The following ITPR1 variants were observed in gnomAD, a reference collection of about 807,000 sequenced individuals.
ITPR1 encodes the protein inositol 1,4,5-trisphosphate-gated calcium channel ITPR1.
In ITPR1, 96 loss-of-function variants were observed where a neutral mutation model predicts 318.4. The observed-to-expected ratio is 0.30, with a 90% CI of 0.26 to 0.36. The LOEUF is 0.36. ITPR1 is among the 10% of genes least tolerant of loss of function. The pLI, the probability that ITPR1 is intolerant of heterozygous loss-of-function variation, is 1.00. For synonymous variants in ITPR1, 1,312 were observed against 1,289.9 expected, an observed-to-expected ratio of 1.02 and a Z score of -0.37; for missense variants, 2,440 against 3,460.2, an observed-to-expected ratio of 0.71 and a Z score of 7.40.
At chr3:4,502,446 CTT>C (rs889373862) in intron 2 of ITPR1, among the ~76,000 whole-genome samples, 1 of 145,746 alleles carries the variant, frequency 6.9e-6, no homozygotes. Flanking sequence ...CCCCTCTCTC[CTT>C]TTTTTTTTTT....
At chr3:4,497,236 ACCGTCAC>A (rs1043240181) in intron 2 of ITPR1, among the ~76,000 whole-genome samples, 1 of 151,896 alleles carries the variant, frequency 6.6e-6, no homozygotes, top group Non-Finnish European at 1.5e-5. Flanking sequence ...CACCACTGAA[ACCGTCAC>A]CCATTCAACT....
intron 38 of ITPR1, chr3:4,711,498 C>A (rs1220668698): frequency 1.3e-5 from 5 of 392,426 alleles, no homozygotes; most frequent in Non-Finnish European, 1.9e-5. Flanking sequence ...GTTCTCCTCT[C>A]CATATAATCT....
chr3:4,642,012 A>G (rs970967453), intron 6 of ITPR1, 81 bp from the exon 7 acceptor site: 38 of 1,153,230 alleles, frequency 3.3e-5, no homozygotes, highest in Non-Finnish European at 4.1e-5. Flanking sequence ...TGTTTGCTAC[A>G]TAGTTGGTAT....
chr3:4,613,035 A>G lies in ITPR1; in HGVS notation c.164-14728A>G, dbSNP rs1445040663. ...ACGTGCCTGTGACACAGTCTCTGGA[A>G]GTCCTGAGACATGGGCCCAAGGTGG... On this transcript the variant is annotated intron_variant, in intron 4 of 61. Transcript: ENST00000649015. Among the ~76,000 whole-genome samples, 4 of 152,244 alleles carry G rather than the reference A, an allele frequency of 2.6e-5. No individual in the cohort carries two copies. In the South Asian group the frequency reaches 8.3e-4, roughly 31 times the overall value.
chr3:4,694,088 T>C (rs2094520091), intron 33 of ITPR1, among the ~76,000 whole-genome samples: 1 of 152,064 alleles, frequency 6.6e-6, no homozygotes, highest in Admixed American at 6.5e-5. Context: ...TCCATATGAA[T>C]GTAAGACTTA....
intron 53 of ITPR1, chr3:4,800,126 T>G: frequency 2.6e-5 from 10 of 389,970 alleles, no homozygotes; most frequent in East Asian, 5.9e-5. Flanking sequence ...ACTCCTGACA[T>G]GTTTTTGTGG....
intron 4 of ITPR1, among the ~76,000 whole-genome samples, chr3:4,539,934 T>A (rs553333130): frequency 6.8e-6 from 1 of 146,398 alleles, no homozygotes; most frequent in Non-Finnish European, 1.5e-5. Context: ...CCTTACAAAT[T>A]ACCCAGTTTC....
intron 47 of ITPR1, among the ~76,000 whole-genome samples, chr3:4,775,729 A>C (rs576032534): frequency 6.6e-6 from 1 of 152,372 alleles, no homozygotes; most frequent in South Asian, 2.1e-4. Flanking sequence ...TTCTAGGAGT[A>C]GGCAATAAGG....
At chr3:4,736,001 A>G (rs2043237984) in intron 44 of ITPR1, among the ~76,000 whole-genome samples, 1 of 152,330 alleles carries the variant, frequency 6.6e-6, no homozygotes, top group South Asian at 2.1e-4. Context: ...AACAATTTTC[A>G]TGATTTTTTC....
At position 4,824,157 on chromosome 3, in the gene ITPR1, G is replaced by C. The variant is rs984656092; in HGVS notation, c.8028+5915G>C. On this transcript the variant is annotated intron_variant, in intron 60 of 61. Transcript: ENST00000649015. ...AACCTGCCCCCCCATGGTAGCTAGA[G>C]TGTTCTGGAATGCACCAGCGCTGCC... 3.9e-5 allele frequency among the ~76,000 whole-genome samples: 6 copies of C among 152,330 alleles called. No homozygotes were observed. The South Asian group carries it at 6.2e-4, about 16-fold the overall frequency.
chr3:4,822,461 C>T (rs2049790299), intron 60 of ITPR1, among the ~76,000 whole-genome samples: 1 of 152,184 alleles, frequency 6.6e-6, no homozygotes, highest in Non-Finnish European at 1.5e-5. Context: ...AAGTGTCCTT[C>T]AAAGTTGAGG....
In ITPR1 at chr3:4,493,600, A is replaced by G. The variant is rs2080305131; in HGVS notation, c.-98A>G. ...CCCAAACCGGCGTGGCTCCCCGGGC[A>G]CCAAGGTAGCGGCTGGGGCCGGGCA... On this transcript the variant is annotated 5_prime_UTR_variant, in exon 1 of 62. Coordinates refer to ENST00000649015, the MANE Select transcript of ITPR1 (RefSeq NM_001378452.1). The G allele has an allele frequency of 6.6e-6, 1 of 152,500 alleles. No individual in the cohort carries two copies. Among genetic ancestry groups the G allele is most frequent in the Admixed American group, 6.5e-5 (1 of 15,282 alleles). The allele number at this position is 152,500 out of a possible 1,614,324, so 9.4% of individuals were successfully genotyped here. A position where few individuals can be genotyped will look rare whatever the true frequency, so the allele number is the denominator to read the frequency against.
chr3:4,758,869 T>C (rs1377569079), intron 44 of ITPR1, among the ~76,000 whole-genome samples: 1 of 152,196 alleles, frequency 6.6e-6, no homozygotes, highest in African/African-American at 2.4e-5. Context: ...GGTCTTACCA[T>C]CTGCCATGTC....
intron 5 of ITPR1, among the ~76,000 whole-genome samples, chr3:4,630,564 T>C (rs1575805074): frequency 3.4e-5 from 1 of 29,260 alleles, no homozygotes; most frequent in Admixed American, 4.9e-4. Flanking sequence ...TTGTCCGCAT[T>C]ATTATTATTA....
chr3:4,646,483 C>T (rs143704172), intron 10 of ITPR1, among the ~76,000 whole-genome samples: 17 of 152,158 alleles, frequency 1.1e-4, no homozygotes, highest in African/African-American at 1.9e-4. Flanking sequence ...GTGAAGGGCA[C>T]GGGATAGGCA....
chr3:4,763,385 T>C (rs2045590271), intron 44 of ITPR1, among the ~76,000 whole-genome samples: 1 of 152,116 alleles, frequency 6.6e-6, no homozygotes, highest in Non-Finnish European at 1.5e-5. Context: ...AAAAATTACT[T>C]GAACAGAATA....
At chr3:4,671,184 C>G (rs1290514451) in intron 20 of ITPR1, among the ~76,000 whole-genome samples, 1 of 152,128 alleles carries the variant, frequency 6.6e-6, no homozygotes, top group Non-Finnish European at 1.5e-5. Flanking sequence ...GCAGCATGGC[C>G]CATAGATATG....
In ITPR1 at chr3:4,674,220, T is replaced by C. The variant is rs1471720047; in HGVS notation, c.2475T>C (p.Ala825=). The change falls in exon 22 of 62, where the codon GCT becomes GCC. Residue 825 remains alanine, a synonymous_variant. Coordinates refer to ENST00000649015, the MANE Select transcript of ITPR1 (RefSeq NM_001378452.1). ...IAIDDYDSSG[A]SKDEIKERFA... is the part of the protein sequence containing the mutation. Reference sequence around the variant, plus strand: ...TTTTCAGCTATGATAGTAGTGGAGCTTCCAAAGATGAAATTAAGGAGAGAT... The same window carrying C: ...TTTTCAGCTATGATAGTAGTGGAGCCTCCAAAGATGAAATTAAGGAGAGAT... The C allele has an allele frequency of 7.7e-6, 12 of 1,552,888 alleles. No individual in the cohort carries two copies. The East Asian group carries it at 2.9e-4, about 37-fold the overall frequency.
At chr3:4,565,807 C>A (rs2087183522) in intron 4 of ITPR1, among the ~76,000 whole-genome samples, 1 of 152,224 alleles carries the variant, frequency 6.6e-6, no homozygotes, top group Non-Finnish European at 1.5e-5. Context: ...TTGAGTGCAA[C>A]TTCAGAAATT....
Sources: gnomAD v4.1 joint callset for allele counts (sites outside exome capture counted in the v4.1 genomes callset) on GRCh38, gnomAD v4.1.1 for gene constraint, MANE v1.5 for transcripts, NCBI Gene and HGNC (gene_info 2026-07-23, HGNC 2026-07-21) for gene names.